The following SFMBT1 variants were observed in gnomAD, a reference collection of about 807,000 sequenced individuals.
The protein encoded by SFMBT1 is scm-like with four MBT domains protein 1.
A neutral mutation model predicts 108.7 loss-of-function variants in SFMBT1; 32 were observed. That is an observed-to-expected ratio of 0.29 (90% CI 0.22 to 0.40). The LOEUF (loss-of-function observed/expected upper bound fraction) is 0.40. Among genes scored for constraint, SFMBT1 ranks in the 10% least tolerant of loss-of-function variants. The pLI, the probability that SFMBT1 is intolerant of heterozygous loss-of-function variation, is 1.00. For synonymous variants in SFMBT1, 348 were observed against 369.5 expected, an observed-to-expected ratio of 0.94 and a Z score of 0.67; for missense variants, 816 against 1,059.6, an observed-to-expected ratio of 0.77 and a Z score of 3.19.
At chr3:53,037,758 G>A (rs1382740370) in intron 1 of SFMBT1, among the ~76,000 whole-genome samples, 4 of 152,184 alleles carry the variant, frequency 2.6e-5, no homozygotes, top group African/African-American at 7.2e-5. Flanking sequence ...AGAATCACTT[G>A]AGGCCAGAAG....
intron 18 of SFMBT1, 47 bp downstream of exon 18, chr3:52,907,508 T>C (rs778883618): frequency 1.2e-5 from 19 of 1,581,394 alleles, no homozygotes; most frequent in Non-Finnish European, 1.6e-5. Context: ...TATAAAGCAG[T>C]GGTCACTTGG....
intron 1 of SFMBT1, among the ~76,000 whole-genome samples, chr3:53,045,439 G>A (rs886337176): frequency 1.4e-5 from 2 of 143,544 alleles, no homozygotes; most frequent in African/African-American, 5.0e-5. Flanking sequence ...CGCCACTGCC[G>A]CCGCCCGGCC....
rs986072247 is a variant in SFMBT1 at position 53,019,335 on chromosome 3, T to C, written c.-131+26481A>G. Among the ~76,000 whole-genome samples the C allele has an allele frequency of 9.3e-5, 14 of 149,778 alleles. No homozygotes were observed. In the East Asian group the frequency reaches 2.5e-3, roughly 27 times the overall value. On this transcript the variant is annotated intron_variant, in intron 1 of 20. Transcript: ENST00000394752. ...AAAAAAGCACACGCATGTGCATGTG[T>C]GTGTGTGAAATCAATGATTAAGAGG...
intron 2 of SFMBT1, among the ~76,000 whole-genome samples, chr3:52,963,500 G>A (rs186649055): frequency 6.6e-6 from 1 of 152,212 alleles, no homozygotes; most frequent in Admixed American, 6.5e-5. Flanking sequence ...CCAGGCTGGA[G>A]TGCTGTGGTG....
intron 1 of SFMBT1, among the ~76,000 whole-genome samples, chr3:53,005,294 G>C (rs944416714): frequency 1.2e-4 from 19 of 152,114 alleles, no homozygotes; most frequent in Non-Finnish European, 2.6e-4. Flanking sequence ...GTGAAGAGGG[G>C]GTTTAAGCCA....
At chr3:53,042,728 C>T (rs927420334) in intron 1 of SFMBT1, among the ~76,000 whole-genome samples, 6 of 152,148 alleles carry the variant, frequency 3.9e-5, no homozygotes, top group Non-Finnish European at 7.4e-5. Context: ...TTTTGTTTCT[C>T]GTGTATCTCT....
intron 1 of SFMBT1, among the ~76,000 whole-genome samples, chr3:53,000,483 A>T (rs540243662): frequency 3.3e-5 from 5 of 150,002 alleles, no homozygotes; most frequent in Admixed American, 1.4e-4. Context: ...AGAGATGTAC[A>T]TTAAAGTATT....
rs59842273 is a variant in SFMBT1, at chr3:52,949,568, C to CTTT, written c.123+4746_123+4748dup. Reference sequence around the variant, plus strand: ...CCCTTTATTATTATGTAATGTCCTTCTTTTTTTTTTTTTTTTTTTTTTTTT... The same window carrying CTTT: ...CCCTTTATTATTATGTAATGTCCTTCTTTTTTTTTTTTTTTTTTTTTTTTTTTT... On this transcript the variant is annotated intron_variant, in intron 3 of 20. Transcript: ENST00000394752. Among the ~76,000 whole-genome samples the CTTT allele has an allele frequency of 1.0e-3, 79 of 77,412 alleles. 9 individuals are homozygous for CTTT. In the South Asian group the frequency reaches 0.013, roughly 13 times the overall value. The allele number at this position is 77,412 out of a possible 152,430, so 50.8% of individuals were successfully genotyped here.
chr3:52,906,387 C>T lies in SFMBT1; in HGVS notation c.2332-146G>A, dbSNP rs1025685314. 1.0e-4 allele frequency: 115 copies of T among 1,110,290 alleles called. 1 individual carries two copies. The highest frequency in any genetic ancestry group is 1.4e-4 in the Non-Finnish European group (107 of 764,438). 68.8% of individuals were successfully genotyped at this position (1,110,290 alleles called of 1,614,324 possible). A position where few individuals can be genotyped will look rare whatever the true frequency, so the allele number is the denominator to read the frequency against. ...TTCTCCCAGCAAAGATGGCAAAGAC[C>T]CACGTGCATCAGGTACTCAGGAAAT... On this transcript the variant is annotated intron_variant, in intron 19 of 20. Transcript: ENST00000394752.
intron 1 of SFMBT1, among the ~76,000 whole-genome samples, chr3:52,975,506 T>C (rs541308455): frequency 1.3e-5 from 2 of 152,266 alleles, no homozygotes; most frequent in Admixed American, 6.5e-5. Flanking sequence ...CTGGGCAATA[T>C]AGTAAGACCT....
At chr3:52,985,672 T>C (rs1704879532) in intron 1 of SFMBT1, among the ~76,000 whole-genome samples, 1 of 152,194 alleles carries the variant, frequency 6.6e-6, no homozygotes, top group Non-Finnish European at 1.5e-5. Context: ...TATTCGAACA[T>C]CATAGGGTAT....
At chr3:53,012,613 A>G in intron 1 of SFMBT1, among the ~76,000 whole-genome samples, 1 of 151,406 alleles carries the variant, frequency 6.6e-6, no homozygotes, top group South Asian at 2.1e-4. Flanking sequence ...TGTGTTAGCC[A>G]GGATGGTCTC....
At chr3:53,026,036 A>C (rs1476900594) in intron 1 of SFMBT1, among the ~76,000 whole-genome samples, 1 of 152,248 alleles carries the variant, frequency 6.6e-6, no homozygotes, top group South Asian at 2.1e-4. Context: ...ACATTGCTTC[A>C]GAAAAAGTTC....
At chr3:52,909,405 C>A (rs185105624) in intron 17 of SFMBT1, among the ~76,000 whole-genome samples, 22 of 152,194 alleles carry the variant, frequency 1.4e-4, no homozygotes, top group Non-Finnish European at 2.5e-4. Flanking sequence ...AAGGAGTTTA[C>A]AATCCAATAA....
chr3:53,044,899 C>T (rs1184659654), intron 1 of SFMBT1: 1 of 152,350 alleles, frequency 6.6e-6, no homozygotes, highest in African/African-American at 2.4e-5. Context: ...TAGTTTTAGA[C>T]CCTACGGGAA....
intron 3 of SFMBT1, among the ~76,000 whole-genome samples, chr3:52,952,956 T>C (rs1204812558): frequency 6.6e-6 from 1 of 152,172 alleles, no homozygotes; most frequent in Non-Finnish European, 1.5e-5. Flanking sequence ...GTGGCAACTA[T>C]CTGCAAGCCA....
chr3:52,956,967 C>T (rs1370824026), intron 2 of SFMBT1, among the ~76,000 whole-genome samples: 1 of 152,218 alleles, frequency 6.6e-6, no homozygotes. Flanking sequence ...ATTGGAAGTT[C>T]TCACTGGGGC....
At chr3:52,953,764 T>C (rs553979361) in intron 3 of SFMBT1, among the ~76,000 whole-genome samples, 6 of 152,306 alleles carry the variant, frequency 3.9e-5, no homozygotes, top group African/African-American at 1.4e-4. Flanking sequence ...AAAGGAATAT[T>C]CATAAATGGT....
At chr3:52,950,684 G>T (rs550567297) in intron 3 of SFMBT1, among the ~76,000 whole-genome samples, 1 of 152,032 alleles carries the variant, frequency 6.6e-6, no homozygotes, top group Non-Finnish European at 1.5e-5. Context: ...ATGTCGGCCA[G>T]GCTGGTCTTG....
Sources: gnomAD v4.1 joint callset for allele counts (sites outside exome capture counted in the v4.1 genomes callset) on GRCh38, gnomAD v4.1.1 for gene constraint, MANE v1.5 for transcripts, NCBI Gene and HGNC (gene_info 2026-07-23, HGNC 2026-07-21) for gene names.